NSMCE2: variants seen among roughly 807,000 people sequenced by gnomAD.
NSMCE2 encodes NSE2 SUMO ligase component of SMC5/6 complex.
Under a neutral mutation model 23.8 loss-of-function variants are expected in NSMCE2, and 24 were observed. That is an observed-to-expected ratio of 1.01 (90% confidence interval 0.73 to 1.42). NSMCE2 has a LOEUF of 1.42. Ranked by LOEUF, NSMCE2 falls within the 40% of genes most tolerant of loss-of-function variation. The pLI, the probability that NSMCE2 is intolerant of heterozygous loss-of-function variation, is 0.00. For synonymous variants in NSMCE2, 92 were observed against 94.1 expected, an observed-to-expected ratio of 0.98 and a Z score of 0.13; for missense variants, 284 against 296.5, an observed-to-expected ratio of 0.96 and a Z score of 0.31.
At chr8:125,256,852 G>A (rs1474666249) in intron 5 of NSMCE2, among the ~76,000 whole-genome samples, 1 of 143,096 alleles carries the variant, frequency 7.0e-6, no homozygotes, top group Non-Finnish European at 1.5e-5. Flanking sequence ...CTTGAACCTG[G>A]GAAGTGGTTG....
At chr8:125,118,230 C>T (rs1404164328) in intron 3 of NSMCE2, among the ~76,000 whole-genome samples, 1 of 152,134 alleles carries the variant, frequency 6.6e-6, no homozygotes, top group Non-Finnish European at 1.5e-5. Context: ...CCTCTAGTCC[C>T]AGCTACTCGG....
intron 3 of NSMCE2, among the ~76,000 whole-genome samples, chr8:125,139,633 A>G (rs887279779): frequency 5.9e-5 from 9 of 152,164 alleles, no homozygotes; most frequent in African/African-American, 1.9e-4. Flanking sequence ...TTTATTCACT[A>G]TCACAAGAAC....
In NSMCE2 at chr8:125,214,561, A is replaced by T. The variant is rs537819374; in HGVS notation, c.418+32305A>T. Among the ~76,000 whole-genome samples the T allele has an allele frequency of 2.6e-5, 4 of 152,284 alleles. No individual in the cohort carries two copies. In the South Asian group the frequency reaches 6.2e-4, roughly 24 times the overall value. On this transcript the variant is annotated intron_variant, in intron 5 of 7. Transcript: ENST00000287437. ...CTTTTGCCTCTGCTTAGAATTTTTT[A>T]AAATTAATAGACTTTATTTTTTAGA...
At chr8:125,304,695 A>T (rs1828685708) in intron 5 of NSMCE2, among the ~76,000 whole-genome samples, 1 of 152,018 alleles carries the variant, frequency 6.6e-6, no homozygotes, top group African/African-American at 2.4e-5. Context: ...CATCTCTACT[A>T]AAAATACAAA....
chr8:125,232,510 T>G (rs1336988942), intron 5 of NSMCE2, among the ~76,000 whole-genome samples: 1 of 152,238 alleles, frequency 6.6e-6, no homozygotes, highest in Non-Finnish European at 1.5e-5. Context: ...GGTGACACAT[T>G]TATTACCATA....
intron 5 of NSMCE2, among the ~76,000 whole-genome samples, chr8:125,239,718 AT>A (rs1294312508): frequency 6.7e-6 from 1 of 149,268 alleles, no homozygotes; most frequent in East Asian, 1.9e-4. Context: ...TCAATAAATA[AT>A]TAATTAGAGG....
chr8:125,313,644 C>T (rs1829062501), intron 5 of NSMCE2, among the ~76,000 whole-genome samples: 1 of 152,162 alleles, frequency 6.6e-6, no homozygotes, highest in Non-Finnish European at 1.5e-5. Flanking sequence ...AATCGGTCAT[C>T]CTGTGCCTTC....
chr8:125,112,037 A>G (rs192433734), intron 3 of NSMCE2, among the ~76,000 whole-genome samples: 79 of 152,264 alleles, frequency 5.2e-4, no homozygotes, highest in African/African-American at 1.8e-3. Flanking sequence ...AGAAGGAGTA[A>G]CTAGAAGTAG....
At chr8:125,160,087 A>G (rs1304878728) in intron 4 of NSMCE2, among the ~76,000 whole-genome samples, 2 of 152,218 alleles carry the variant, frequency 1.3e-5, no homozygotes, top group Admixed American at 6.5e-5. Context: ...TTTGACAGAG[A>G]CAATAAAAAC....
chr8:125,249,361 A>T (rs1305911197), intron 5 of NSMCE2, among the ~76,000 whole-genome samples: 1 of 152,210 alleles, frequency 6.6e-6, no homozygotes. Flanking sequence ...TAGCATCCCC[A>T]CATCACAGCT....
intron 5 of NSMCE2, among the ~76,000 whole-genome samples, chr8:125,272,204 C>T (rs570949224): frequency 5.0e-4 from 76 of 151,634 alleles, no homozygotes; most frequent in African/African-American, 1.7e-3. Flanking sequence ...TTAGTAGAGA[C>T]GGGGTTTCAT....
At chr8:125,161,552 C>T (rs1394480706) in intron 4 of NSMCE2, among the ~76,000 whole-genome samples, 1 of 152,058 alleles carries the variant, frequency 6.6e-6, no homozygotes, top group Non-Finnish European at 1.5e-5. Flanking sequence ...AATTCCAGCA[C>T]TTTGGGAGGC....
At chr8:125,132,779 G>A (rs1052405688) in intron 3 of NSMCE2, among the ~76,000 whole-genome samples, 7 of 152,178 alleles carry the variant, frequency 4.6e-5, no homozygotes, top group Admixed American at 1.3e-4. Context: ...ATAGGTGTGA[G>A]CCACCCACAC....
At chr8:125,234,006 C>A (rs1267125971) in intron 5 of NSMCE2, among the ~76,000 whole-genome samples, 1 of 135,416 alleles carries the variant, frequency 7.4e-6, no homozygotes, top group Non-Finnish European at 1.6e-5. Context: ...GAAACCCTGT[C>A]TCTACTAAAA....
At chr8:125,126,217 C>T (rs1182745655) in intron 3 of NSMCE2, among the ~76,000 whole-genome samples, 1 of 152,030 alleles carries the variant, frequency 6.6e-6, no homozygotes, top group Non-Finnish European at 1.5e-5. Flanking sequence ...GACTCCATCT[C>T]TTCTAAAAAT....
At chr8:125,340,020 T>G (rs918264963) in intron 5 of NSMCE2, among the ~76,000 whole-genome samples, 34 of 142,758 alleles carry the variant, frequency 2.4e-4, no homozygotes, top group African/African-American at 8.3e-4. Flanking sequence ...TTGTTTTTTT[T>G]TTTTTTTTTT....
At chr8:125,132,403 G>A (rs1488134805) in intron 3 of NSMCE2, among the ~76,000 whole-genome samples, 2 of 152,032 alleles carry the variant, frequency 1.3e-5, no homozygotes, top group African/African-American at 4.8e-5. Flanking sequence ...ATTCTTCTGT[G>A]TTCAGCTCTC....
chr8:125,205,673 T>C (rs1283818982), intron 5 of NSMCE2, among the ~76,000 whole-genome samples: 1 of 152,164 alleles, frequency 6.6e-6, no homozygotes, highest in African/African-American at 2.4e-5. Context: ...TTGTTACTCT[T>C]TGTTTACCAT....
intron 5 of NSMCE2, among the ~76,000 whole-genome samples, chr8:125,265,998 G>C (rs1284740627): frequency 1.3e-5 from 2 of 151,674 alleles, no homozygotes; most frequent in Non-Finnish European, 2.9e-5. Context: ...CTTCAAAATA[G>C]TTGCCTTACT....
Sources: gnomAD v4.1 joint callset for allele counts (sites outside exome capture counted in the v4.1 genomes callset) on GRCh38, gnomAD v4.1.1 for gene constraint, MANE v1.5 for transcripts, NCBI Gene and HGNC (gene_info 2026-07-23, HGNC 2026-07-21) for gene names.